KCNN2: variants seen among roughly 807,000 people sequenced by gnomAD.
KCNN2 encodes the protein small conductance calcium-activated potassium channel protein 2.
Under a neutral mutation model 55.5 loss-of-function variants are expected in KCNN2, and 24 were observed. The ratio of observed to expected loss-of-function variants is 0.43; its 90% CI spans 0.31 to 0.61. The LOEUF (loss-of-function observed/expected upper bound fraction) is 0.61, where lower values mean the gene tolerates loss of function less well. Ranked by LOEUF, KCNN2 falls within the 20% of genes least tolerant of loss-of-function variation. The pLI is 0.08. For missense variants in KCNN2, 754 were observed against 853.6 expected (o/e 0.88, Z 1.45); for synonymous variants, 431 against 336.1 (o/e 1.28, Z -3.09).
upstream of KCNN2, among the ~76,000 whole-genome samples, chr5:114,358,765 C>CT (rs769826475): frequency 6.6e-6 from 1 of 151,914 alleles, no homozygotes; most frequent in Non-Finnish European, 1.5e-5. Flanking sequence ...AGAATATTGC[C>CT]TTTGTTGCTT....
chr5:114,271,535 T>A (rs1365251580), intron 2 of KCNN2, among the ~76,000 whole-genome samples: 3 of 152,078 alleles, frequency 2.0e-5, no homozygotes, highest in African/African-American at 4.8e-5. Context: ...ATCCTCAAGG[T>A]GTATAAATAA....
At chr5:114,348,627 C>T (rs1263172795) in intron 2 of KCNN2, among the ~76,000 whole-genome samples, 1 of 152,068 alleles carries the variant, frequency 6.6e-6, no homozygotes, top group Non-Finnish European at 1.5e-5. Context: ...TATTTATATA[C>T]TAAAATTCCT....
chr5:114,096,171 G>A (rs903024845), intron 1 of KCNN2, among the ~76,000 whole-genome samples: 1 of 152,060 alleles, frequency 6.6e-6, no homozygotes. Flanking sequence ...TAGGTTCTGT[G>A]ATATTGGCTA....
At chr5:114,136,255 G>T (rs571525265) in intron 1 of KCNN2, among the ~76,000 whole-genome samples, 14 of 152,240 alleles carry the variant, frequency 9.2e-5, no homozygotes, top group Non-Finnish European at 1.9e-4. Context: ...ATGGGAGTGG[G>T]GTTGCTATAT....
At position 114,406,100 on chromosome 5, in the gene KCNN2, G is replaced by GA. The variant is rs554840041; in HGVS notation, c.1637+1261dup. Among the ~76,000 whole-genome samples, 796 of 114,506 alleles carry GA rather than the reference G, an allele frequency of 7.0e-3. 1 individual carries two copies. Among genetic ancestry groups the GA allele is most frequent in the African/African-American group, 0.016 (492 of 31,054 alleles). 75.1% of individuals were successfully genotyped at this position (114,506 alleles called of 152,430 possible). The stretch of plus-strand genomic sequence containing the variant: ...AAAAACAGCTATATGAGAGTTGCTG[G>GA]AAAAAAAAAAAAAAAAAGGGTAGTG... On this transcript the variant is annotated intron_variant, in intron 3 of 7. Transcript: ENST00000673685.
intron 2 of KCNN2, among the ~76,000 whole-genome samples, chr5:114,335,776 T>A (rs918307246): frequency 6.6e-6 from 1 of 152,036 alleles, no homozygotes; most frequent in Admixed American, 6.6e-5. Flanking sequence ...AAAAAAGATA[T>A]AGTAAGAGTG....
At chr5:114,211,785 G>T (rs570255417) in intron 1 of KCNN2, among the ~76,000 whole-genome samples, 8 of 151,096 alleles carry the variant, frequency 5.3e-5, no homozygotes, top group African/African-American at 1.2e-4. Context: ...GACAGAAAAA[G>T]GTTGCATATA....
At chr5:114,110,240 C>CA (rs1175410879) in intron 1 of KCNN2, among the ~76,000 whole-genome samples, 11 of 152,072 alleles carry the variant, frequency 7.2e-5, no homozygotes, top group African/African-American at 2.4e-4. Flanking sequence ...GGTAACAAGC[C>CA]AATACTGGGC....
chr5:114,369,480 C>T (rs553753050), intron 2 of KCNN2, among the ~76,000 whole-genome samples: 1 of 152,244 alleles, frequency 6.6e-6, no homozygotes, highest in South Asian at 2.1e-4. Context: ...AAGTTTTCTG[C>T]TATGGTAGTT....
chr5:114,288,049 A>G (rs1755791498), intron 2 of KCNN2, among the ~76,000 whole-genome samples: 5 of 152,206 alleles, frequency 3.3e-5, no homozygotes, highest in Admixed American at 3.3e-4. Context: ...GGCACCCAGT[A>G]ACCTGCTTTC....
chr5:114,426,992 T>C (rs1320333136), intron 3 of KCNN2, among the ~76,000 whole-genome samples: 2 of 151,976 alleles, frequency 1.3e-5, no homozygotes, highest in Non-Finnish European at 2.9e-5. Context: ...ACAAGAAAAG[T>C]TTGCTTATTG....
intron 2 of KCNN2, among the ~76,000 whole-genome samples, chr5:114,241,386 C>T (rs1754616164): frequency 6.6e-6 from 1 of 151,722 alleles, no homozygotes; most frequent in South Asian, 2.1e-4. Context: ...TATGCCTTAA[C>T]AAAAATTAAA....
chr5:114,484,209 T>C (rs911534853), intron 5 of KCNN2, among the ~76,000 whole-genome samples: 4 of 152,078 alleles, frequency 2.6e-5, no homozygotes, highest in African/African-American at 9.7e-5. Flanking sequence ...ATATGACCCC[T>C]GAGAGTTTCT....
chr5:114,124,787 G>A (rs1296110961), intron 1 of KCNN2, among the ~76,000 whole-genome samples: 2 of 152,110 alleles, frequency 1.3e-5, no homozygotes, highest in Non-Finnish European at 2.9e-5. Flanking sequence ...TCAGCTCAAT[G>A]TAACCTTTTT....
intron 2 of KCNN2, among the ~76,000 whole-genome samples, chr5:114,282,650 T>C (rs1187866185): frequency 6.6e-6 from 1 of 152,126 alleles, no homozygotes; most frequent in East Asian, 1.9e-4. Context: ...TATACTGCTT[T>C]TGTTGGTTTT....
At chr5:114,121,616 C>T (rs1485786902) in intron 1 of KCNN2, among the ~76,000 whole-genome samples, 1 of 152,206 alleles carries the variant, frequency 6.6e-6, no homozygotes, top group Non-Finnish European at 1.5e-5. Flanking sequence ...GCCCCATCCT[C>T]TCCATACTAC....
intron 2 of KCNN2, among the ~76,000 whole-genome samples, chr5:114,403,552 T>A (rs1758847273): frequency 6.6e-6 from 1 of 152,196 alleles, no homozygotes; most frequent in African/African-American, 2.4e-5. Context: ...CAAGTCCTTG[T>A]GGCAGTCAGA....
intron 1 of KCNN2, among the ~76,000 whole-genome samples, chr5:114,159,582 C>G (rs1182808794): frequency 3.3e-5 from 5 of 152,104 alleles, no homozygotes; most frequent in Admixed American, 2.0e-4. Context: ...GGAATGGTAC[C>G]AGTTCCTCCT....
At chr5:114,251,007 G>A (rs1045131245) in intron 2 of KCNN2, among the ~76,000 whole-genome samples, 2 of 152,134 alleles carry the variant, frequency 1.3e-5, no homozygotes, top group Non-Finnish European at 2.9e-5. Context: ...TATAAAAACA[G>A]AATATTTCCA....
Sources: allele counts gnomAD v4.1 joint callset (sites outside exome capture counted in the v4.1 genomes callset), GRCh38; gene constraint gnomAD v4.1.1; transcripts MANE v1.5; gene names NCBI Gene and HGNC (gene_info 2026-07-23, HGNC 2026-07-21).